POU6F2: variants seen among roughly 807,000 people sequenced by gnomAD.
POU6F2 encodes POU domain, class 6, transcription factor 2.
Under a neutral mutation model 71.3 loss-of-function variants are expected in POU6F2, and 31 were observed. The observed-to-expected ratio is 0.43, with a 90% CI of 0.33 to 0.59. The LOEUF (loss-of-function observed/expected upper bound fraction) is 0.59, where lower values mean the gene tolerates loss of function less well. Ranked by LOEUF, POU6F2 falls within the 20% of genes least tolerant of loss-of-function variation. The pLI is 0.04. For synonymous variants in POU6F2, 347 were observed against 355.7 expected (o/e 0.98, Z 0.27); for missense variants, 783 against 856.8 (o/e 0.91, Z 1.07).
chr7:39,197,506 G>C (rs1248327050), intron 2 of POU6F2, among the ~76,000 whole-genome samples: 6 of 152,228 alleles, frequency 3.9e-5, no homozygotes, highest in Admixed American at 3.9e-4. Flanking sequence ...CAAGAGGGAG[G>C]CTGCTTAGAT....
At chr7:39,041,639 T>C (rs1271352520) in intron 1 of POU6F2, among the ~76,000 whole-genome samples, 1 of 151,972 alleles carries the variant, frequency 6.6e-6, no homozygotes, top group Non-Finnish European at 1.5e-5. Context: ...GGATACTACA[T>C]TTTTGTTACA....
chr7:39,365,503 C>T (rs1786483481), intron 5 of POU6F2, among the ~76,000 whole-genome samples: 1 of 152,110 alleles, frequency 6.6e-6, no homozygotes, highest in South Asian at 2.1e-4. Context: ...AACCCAAAAG[C>T]AAATGCAATA....
In POU6F2 at chr7:39,166,063, C is replaced by T. The variant is rs965748721; in HGVS notation, c.278-38172C>T. Among the ~76,000 whole-genome samples, 5 of 152,300 alleles carry T rather than the reference C, an allele frequency of 3.3e-5. No homozygotes were observed. In the East Asian group the frequency reaches 9.6e-4, roughly 29 times the overall value. On this transcript the variant is annotated intron_variant, in intron 2 of 9. Transcript: ENST00000518318. ...CTACTCAGCAGCACAAATACCTGTT[C>T]ATGTTCATCTTATCCACCAGACTGT...
intron 4 of POU6F2, among the ~76,000 whole-genome samples, chr7:39,298,247 A>G (rs1026252308): frequency 6.6e-6 from 1 of 152,330 alleles, no homozygotes; most frequent in African/African-American, 2.4e-5. Flanking sequence ...ATGGGAGAAA[A>G]TTTTTGCAAT....
At chr7:39,244,154 T>TA (rs76297506) in intron 4 of POU6F2, among the ~76,000 whole-genome samples, 2 of 151,930 alleles carry the variant, frequency 1.3e-5, no homozygotes, top group South Asian at 2.1e-4. Flanking sequence ...AAACTTCATA[T>TA]AAAAAAAACA....
rs1784065664 is a variant in POU6F2, at chr7:39,258,355, A to G, written c.598+50735A>G. The stretch of plus-strand genomic sequence containing the variant: ...ATTCACTGAGAAAAAGAGAAATATT[A>G]AAAACTGTGTTCTGGAGCCTGGGAT... On this transcript the variant is annotated intron_variant, in intron 4 of 9. Transcript: ENST00000518318. Among the ~76,000 whole-genome samples the G allele has an allele frequency of 2.6e-5, 4 of 152,220 alleles. No individual in the cohort carries two copies. The South Asian group carries it at 8.3e-4, about 32-fold the overall frequency.
chr7:39,415,578 A>T (rs979166120), intron 6 of POU6F2, among the ~76,000 whole-genome samples: 1 of 152,248 alleles, frequency 6.6e-6, no homozygotes, highest in Admixed American at 6.5e-5. Context: ...CATAGTTTAC[A>T]TTCCAATTAG....
chr7:39,086,312 G>A (rs1247576524), intron 2 of POU6F2, among the ~76,000 whole-genome samples: 1 of 151,952 alleles, frequency 6.6e-6, no homozygotes, highest in African/African-American at 2.4e-5. Flanking sequence ...ATAGAAAGTG[G>A]TAATAATAAT....
At chr7:38,994,027 G>A (rs150380678) in intron 1 of POU6F2, among the ~76,000 whole-genome samples, 2 of 152,062 alleles carry the variant, frequency 1.3e-5, no homozygotes, top group Non-Finnish European at 2.9e-5. Context: ...CTAATAAAAA[G>A]GCGAACCCGT....
At position 39,466,509 on chromosome 7, in the gene POU6F2, T is replaced by C. The variant is rs1201354751; in HGVS notation, c.*1823T>C. The C allele has an allele frequency of 6.6e-6, 1 of 152,236 alleles. No individual in the cohort carries two copies. Among genetic ancestry groups the C allele is most frequent in the Non-Finnish European group, 1.5e-5 (1 of 68,046 alleles). The allele number at this position is 152,236 out of a possible 1,614,324, so 9.4% of individuals were successfully genotyped here. A position where few individuals can be genotyped will look rare whatever the true frequency, so the allele number is the denominator to read the frequency against. On this transcript the variant is annotated 3_prime_UTR_variant, in exon 10 of 10. Transcript: ENST00000518318. ...TATGCATAATTTATAATCATGCTAA[T>C]GTATTATCTAGAAGTAAGTTGTGAA...
intron 7 of POU6F2, among the ~76,000 whole-genome samples, chr7:39,441,847 G>T (rs1282535535): frequency 6.6e-6 from 1 of 152,150 alleles, no homozygotes; most frequent in East Asian, 1.9e-4. Context: ...AAAGGTGGTG[G>T]ACAGGAATGA....
At chr7:39,347,364 A>G (rs1786050906) in intron 5 of POU6F2, among the ~76,000 whole-genome samples, 1 of 152,198 alleles carries the variant, frequency 6.6e-6, no homozygotes. Flanking sequence ...AGTAGCTAGA[A>G]TGAGGCTAAT....
At chr7:39,114,541 T>G (rs903198217) in intron 2 of POU6F2, among the ~76,000 whole-genome samples, 2 of 152,170 alleles carry the variant, frequency 1.3e-5, no homozygotes, top group African/African-American at 2.4e-5. Flanking sequence ...ACAATATCAT[T>G]CACATGGAAA....
chr7:39,072,761 T>C (rs2128718410), intron 1 of POU6F2, among the ~76,000 whole-genome samples: 1 of 152,300 alleles, frequency 6.6e-6, no homozygotes, highest in Non-Finnish European at 1.5e-5. Context: ...ATTATCTCCC[T>C]AAAATGAGAA....
At chr7:39,274,723 C>A in intron 4 of POU6F2, among the ~76,000 whole-genome samples, 1 of 100,294 alleles carries the variant, frequency 1.0e-5, no homozygotes, top group Non-Finnish European at 2.0e-5. Context: ...GGCTTCATCC[C>A]TGGGATGCAA....
chr7:39,312,762 AG>A (rs1019567129), intron 4 of POU6F2, among the ~76,000 whole-genome samples: 1 of 152,246 alleles, frequency 6.6e-6, no homozygotes, highest in Admixed American at 6.5e-5. Context: ...TGCAACAGTC[AG>A]TCTGACAACT....
At chr7:39,259,775 C>T (rs73126485) in intron 4 of POU6F2, among the ~76,000 whole-genome samples, 17,160 of 152,158 alleles carry the variant, frequency 0.11, 1,198 homozygotes, top group Non-Finnish European at 0.15. Context: ...CCTGCTCCTT[C>T]GGGAAATCTG....
At chr7:39,418,959 A>ACG (rs1787755086) in intron 6 of POU6F2, among the ~76,000 whole-genome samples, 1 of 138,112 alleles carries the variant, frequency 7.2e-6, no homozygotes, top group Non-Finnish European at 1.5e-5. Flanking sequence ...ATATATGTAT[A>ACG]TATATGTGTA....
At chr7:39,072,089 T>C (rs560578678) in intron 1 of POU6F2, among the ~76,000 whole-genome samples, 1 of 152,214 alleles carries the variant, frequency 6.6e-6, no homozygotes, top group Non-Finnish European at 1.5e-5. Context: ...TGGGCCCTTG[T>C]AGTTGAGGTA....
Sources: gnomAD v4.1 joint callset for allele counts (sites outside exome capture counted in the v4.1 genomes callset) on GRCh38, gnomAD v4.1.1 for gene constraint, MANE v1.5 for transcripts, NCBI Gene and HGNC (gene_info 2026-07-23, HGNC 2026-07-21) for gene names.